Variants in SEC22A observed in about 807,000 individuals in gnomAD.
SEC22A encodes vesicle-trafficking protein SEC22a.
A neutral mutation model predicts 35.3 loss-of-function variants in SEC22A; 22 were observed. That is an observed-to-expected ratio of 0.62 (90% confidence interval 0.45 to 0.89). The LOEUF is 0.89. Among genes scored for constraint, SEC22A ranks in the 40% least tolerant of loss-of-function variants. SEC22A has a pLI of 0.00. For missense variants in SEC22A, 354 were observed against 362.5 expected (o/e 0.98, Z 0.19); for synonymous variants, 119 against 129.5 (o/e 0.92, Z 0.55).
chr3:123,258,008 A>AAAAAAAAAAAAAAAAT, intron 5 of SEC22A, among the ~76,000 whole-genome samples: 1 of 150,194 alleles, frequency 6.7e-6, no homozygotes, highest in South Asian at 2.1e-4. Context: ...AAAAAAAAAA[A>AAAAAAAAAAAAAAAAT]GGAAGGAAGG....
chr3:123,228,212 T>G (rs1164893395), intron 4 of SEC22A, among the ~76,000 whole-genome samples: 1 of 151,698 alleles, frequency 6.6e-6, no homozygotes, highest in Admixed American at 6.6e-5. Flanking sequence ...AGTACCCACA[T>G]TGTTACAATA....
chr3:123,232,979 T>A (rs538404339), intron 4 of SEC22A, among the ~76,000 whole-genome samples: 2 of 152,062 alleles, frequency 1.3e-5, no homozygotes, highest in African/African-American at 4.8e-5. Flanking sequence ...CAAAAAATTT[T>A]TAAAAATTAG....
chr3:123,208,838 A>G, intron 1 of SEC22A: 1 of 202,878 alleles, frequency 4.9e-6, no homozygotes. Context: ...TCTGTCGCCC[A>G]GGCTGGAGCT....
intron 5 of SEC22A, among the ~76,000 whole-genome samples, chr3:123,250,502 C>T (rs1239247208): frequency 6.6e-6 from 1 of 152,186 alleles, no homozygotes; most frequent in Non-Finnish European, 1.5e-5. Flanking sequence ...TTAGGTGTTG[C>T]TCCATTTGGC....
At chr3:123,269,625 ATTT>A (rs35895285) in intron 6 of SEC22A, among the ~76,000 whole-genome samples, 1,011 of 89,408 alleles carry the variant, frequency 0.011, 5 homozygotes, top group African/African-American at 0.035. Flanking sequence ...AAGGACATGA[ATTT>A]TTTTTTTTTT....
intron 5 of SEC22A, among the ~76,000 whole-genome samples, chr3:123,254,612 T>C (rs1226093939): frequency 2.0e-5 from 3 of 152,204 alleles, no homozygotes; most frequent in African/African-American, 7.2e-5. Context: ...TCAGCCCTGC[T>C]GTTCTTTAAA....
chr3:123,243,393 AGTT>A (rs1937541321), intron 4 of SEC22A, among the ~76,000 whole-genome samples: 1 of 152,128 alleles, frequency 6.6e-6, no homozygotes, highest in South Asian at 2.1e-4. Context: ...TAGAAGTAGT[AGTT>A]GTTGATGCTG....
chr3:123,234,559 T>G (rs1937381673), intron 4 of SEC22A, among the ~76,000 whole-genome samples: 1 of 151,994 alleles, frequency 6.6e-6, no homozygotes, highest in Admixed American at 6.6e-5. Context: ...AGATACCACA[T>G]GCAAAAGAAT....
chr3:123,247,244 A>G (rs1280792100), intron 5 of SEC22A, among the ~76,000 whole-genome samples: 1 of 152,146 alleles, frequency 6.6e-6, no homozygotes, highest in African/African-American at 2.4e-5. Flanking sequence ...TTTTGTACTC[A>G]ACATAGTAGA....
At chr3:123,218,196 G>A (rs1439212266) in intron 2 of SEC22A, among the ~76,000 whole-genome samples, 2 of 152,116 alleles carry the variant, frequency 1.3e-5, no homozygotes, top group African/African-American at 4.8e-5. Context: ...TTGGACTTCT[G>A]CCAGTCTTAC....
chr3:123,242,384 G>C (rs1287058581), intron 4 of SEC22A, among the ~76,000 whole-genome samples: 1 of 151,968 alleles, frequency 6.6e-6, no homozygotes, highest in African/African-American at 2.4e-5. Context: ...CGATCACCTA[G>C]AGGTAAAACC....
chr3:123,264,164 C>G (rs949752829), intron 6 of SEC22A, among the ~76,000 whole-genome samples: 1 of 152,132 alleles, frequency 6.6e-6, no homozygotes, highest in Admixed American at 6.5e-5. Context: ...CCACCTCAGC[C>G]CCCACAAAGC....
At chr3:123,207,477 C>T (rs1456514799) in intron 1 of SEC22A, among the ~76,000 whole-genome samples, 1 of 152,138 alleles carries the variant, frequency 6.6e-6, no homozygotes, top group Non-Finnish European at 1.5e-5. Flanking sequence ...GAATTTTCAC[C>T]AGTTGCCTCA....
intron 1 of SEC22A, among the ~76,000 whole-genome samples, chr3:123,206,014 G>A (rs1351764433): frequency 6.6e-6 from 1 of 152,210 alleles, no homozygotes; most frequent in Non-Finnish European, 1.5e-5. Flanking sequence ...GAATAACTTT[G>A]AAGACTACAT....
intron 5 of SEC22A, among the ~76,000 whole-genome samples, chr3:123,256,433 C>T (rs1472396039): frequency 8.0e-6 from 1 of 124,668 alleles, no homozygotes; most frequent in Non-Finnish European, 1.8e-5. Context: ...GTTGCCTAAA[C>T]AAGAAGCCTC....
chr3:123,245,073 A>C lies in SEC22A; in HGVS notation c.542-826A>C, dbSNP rs536601752. Among the ~76,000 whole-genome samples the C allele has an allele frequency of 2.6e-5, 4 of 152,054 alleles. No individual in the cohort carries two copies. In the South Asian group the frequency reaches 8.3e-4, roughly 32 times the overall value. Reference sequence around the variant, plus strand: ...GGACCAGGAACTTCATAGCTATAAGACTCCATTCTGTTTTGGAGTTCAGAT... The same window carrying C: ...GGACCAGGAACTTCATAGCTATAAGCCTCCATTCTGTTTTGGAGTTCAGAT... On this transcript the variant is annotated intron_variant, in intron 4 of 6. Coordinates refer to ENST00000492595, the MANE Select transcript of SEC22A (RefSeq NM_012430.5).
chr3:123,235,861 G>C lies in SEC22A; in HGVS notation c.542-10038G>C, dbSNP rs972889755. Among the ~76,000 whole-genome samples, 15 of 152,164 alleles carry C rather than the reference G, an allele frequency of 9.9e-5. No individual in the cohort carries two copies. The South Asian group carries it at 3.1e-3, about 32-fold the overall frequency. ...TATCCATATAGTGTATTATTATTCAGCCATAAAAAGGAATAAAGTACTGAT... is the reference window on the plus strand; with the variant it reads ...TATCCATATAGTGTATTATTATTCACCCATAAAAAGGAATAAAGTACTGAT... On this transcript the variant is annotated intron_variant, in intron 4 of 6. Coordinates refer to ENST00000492595, the MANE Select transcript of SEC22A (RefSeq NM_012430.5).
At position 123,272,476 on chromosome 3, in the gene SEC22A, A is replaced by G. The variant is rs898327577; in HGVS notation, c.*754A>G. ...TAGTACTACTTGTATTATTTTCTTA[A>G]TATTTATCTTTTAAATTTTAAAGTT... On this transcript the variant is annotated 3_prime_UTR_variant, in exon 7 of 7. Transcript: ENST00000492595. 6.6e-6 allele frequency: 1 copy of G among 152,158 alleles called. No individual in the cohort carries two copies. The highest frequency in any genetic ancestry group is 2.4e-5 in the African/African-American group (1 of 41,430). 9.4% of individuals were successfully genotyped at this position (152,158 alleles called of 1,614,324 possible).
intron 6 of SEC22A, among the ~76,000 whole-genome samples, chr3:123,262,993 C>CAGTCAAGAT (rs1937927011): frequency 1.3e-5 from 2 of 152,142 alleles, no homozygotes; most frequent in African/African-American, 2.4e-5. Context: ...GATACTGATA[C>CAGTCAAGAT]AGTCAAGATA....
Sources: gnomAD v4.1 joint callset for allele counts (sites outside exome capture counted in the v4.1 genomes callset) on GRCh38, gnomAD v4.1.1 for gene constraint, MANE v1.5 for transcripts, NCBI Gene and HGNC (gene_info 2026-07-23, HGNC 2026-07-21) for gene names.